MTSS1: variants seen among roughly 807,000 people sequenced by gnomAD.
The protein encoded by MTSS1 is MTSS I-BAR domain containing 1, also known as protein MTSS 1.
In MTSS1, 18 loss-of-function variants were observed where a neutral mutation model predicts 79.0. That is an observed-to-expected ratio of 0.23 (90% CI 0.16 to 0.34). The LOEUF is 0.34. Among genes scored for constraint, MTSS1 ranks in the 10% least tolerant of loss-of-function variants. MTSS1 has a pLI of 1.00. For missense variants in MTSS1, 815 were observed against 986.2 expected (o/e 0.83, Z 2.33); for synonymous variants, 341 against 368.6 (o/e 0.93, Z 0.86).
intron 6 of MTSS1, 110 bp from the exon 7 acceptor site, chr8:124,568,646 G>T: frequency 6.6e-7 from 1 of 1,521,026 alleles, no homozygotes; most frequent in Non-Finnish European, 9.0e-7. Flanking sequence ...TTTCCAGGAT[G>T]TAAAAAAAGT....
At chr8:124,600,467 G>A (rs765632600) in intron 3 of MTSS1, among the ~76,000 whole-genome samples, 12 of 152,220 alleles carry the variant, frequency 7.9e-5, no homozygotes, top group East Asian at 7.7e-4. Context: ...GTGTGTGTGC[G>A]CATGCTAGAG....
At chr8:124,571,197 A>G (rs1563772894) in intron 6 of MTSS1, among the ~76,000 whole-genome samples, 1 of 152,248 alleles carries the variant, frequency 6.6e-6, no homozygotes, top group East Asian at 1.9e-4. Flanking sequence ...AATCTGCCTC[A>G]GGGCAGGTGC....
At chr8:124,721,410 A>ATTT (rs1832906923) in intron 1 of MTSS1, among the ~76,000 whole-genome samples, 2 of 41,974 alleles carry the variant, frequency 4.8e-5, no homozygotes, top group South Asian at 5.1e-4. Flanking sequence ...ATTTAACTCT[A>ATTT]ATTTTTTTTT....
At chr8:124,557,597 A>G in intron 11 of MTSS1, 84 bp downstream of exon 11, 1 of 1,286,878 alleles carries the variant, frequency 7.8e-7, no homozygotes, top group Non-Finnish European at 1.1e-6. Context: ...GGATGAGGGG[A>G]TAGTCGGGGT....
chr8:124,576,853 G>T (rs541606346), intron 6 of MTSS1, among the ~76,000 whole-genome samples: 1 of 152,218 alleles, frequency 6.6e-6, no homozygotes, highest in South Asian at 2.1e-4. Context: ...CAAGCAAGTT[G>T]TCTGTTTCCT....
intron 6 of MTSS1, among the ~76,000 whole-genome samples, chr8:124,571,740 C>T (rs1174693321): frequency 6.6e-6 from 1 of 152,100 alleles, no homozygotes; most frequent in Non-Finnish European, 1.5e-5. Context: ...CCGCGGCGGG[C>T]GGATCATGAG....
Position 124,553,100 on chromosome 8 carries a change from C to T in MTSS1, c.2160G>A (p.Leu720=). Reference sequence around the variant, plus strand: ...CTCCTTGTGGAGTATCCCTTGGGCTCAGGTCTGCAGGGTCACTCTCTGGAA... The same window carrying T: ...CTCCTTGTGGAGTATCCCTTGGGCTTAGGTCTGCAGGGTCACTCTCTGGAA... ...GQIPESDPAD[L]SPRDTPQGED... The change falls in exon 14 of 14, where the codon CTG becomes CTA. Residue 720 remains leucine (L), a synonymous_variant. Transcript: ENST00000518547. This position sits in a 1 kb window ranked among gnomAD's most constrained non-coding sequence, Gnocchi z 6.0. 1 of 1,614,108 alleles carries T rather than the reference C, an allele frequency of 6.2e-7. No homozygotes were observed. Among genetic ancestry groups the T allele is most frequent in the Non-Finnish European group, 8.5e-7 (1 of 1,180,022 alleles).
At position 124,645,413 on chromosome 8, in the gene MTSS1, A is replaced by C. The variant is rs1054528058; in HGVS notation, c.208+54113T>G. Among the ~76,000 whole-genome samples the C allele has an allele frequency of 2.0e-5, 3 of 152,176 alleles. 1 individual carries two copies. The highest frequency in any genetic ancestry group is 1.3e-4 in the Admixed American group (2 of 15,276). ...ATTTTTAAAAGAAAATACAATTTTC[A>C]ATGTGTAGAAGAAAATATAAGGCTC... is the stretch of plus-strand genomic sequence containing the variant. On this transcript the variant is annotated intron_variant, in intron 3 of 13. Coordinates refer to ENST00000518547, the MANE Select transcript of MTSS1 (RefSeq NM_014751.6).
chr8:124,661,267 C>T (rs1821973569), intron 3 of MTSS1, among the ~76,000 whole-genome samples: 1 of 151,482 alleles, frequency 6.6e-6, no homozygotes. Flanking sequence ...GGTCCCCATA[C>T]ACGCACTACC....
chr8:124,567,982 CA>C, intron 7 of MTSS1: 2 of 1,333,620 alleles, frequency 1.5e-6, no homozygotes, highest in Non-Finnish European at 9.6e-7. Context: ...CAGTGAGTCT[CA>C]AAACCACCTG....
At chr8:124,625,513 C>T (rs1043943427) in intron 3 of MTSS1, among the ~76,000 whole-genome samples, 6 of 152,180 alleles carry the variant, frequency 3.9e-5, no homozygotes, top group African/African-American at 1.4e-4. Flanking sequence ...CCAGCATTTT[C>T]GGACACAGAC....
intron 1 of MTSS1, among the ~76,000 whole-genome samples, chr8:124,717,592 G>A (rs996700392): frequency 6.6e-6 from 1 of 151,976 alleles, no homozygotes; most frequent in Non-Finnish European, 1.5e-5. Flanking sequence ...TACTCGGGAG[G>A]CTGAGGCAGG....
In MTSS1 at chr8:124,717,170, C is replaced by T. The variant is rs577151357; in HGVS notation, c.72+10714G>A. ...TGTTGCTCTAACGCCACCTCCTCTG[C>T]GAGGCCCGCCCCTAACCACTCTACT... On this transcript the variant is annotated intron_variant, in intron 1 of 13. Transcript: ENST00000518547. Among the ~76,000 whole-genome samples, 19 of 152,190 alleles carry T rather than the reference C, an allele frequency of 1.2e-4. No homozygotes were observed. In the South Asian group the frequency reaches 1.2e-3, roughly 10 times the overall value.
intron 6 of MTSS1, among the ~76,000 whole-genome samples, chr8:124,575,060 A>C (rs1435830930): frequency 6.6e-6 from 1 of 152,184 alleles, no homozygotes; most frequent in African/African-American, 2.4e-5. Context: ...CATGGGATAT[A>C]AATACTAAAA....
At chr8:124,602,207 A>ACACACACATATATATATATATAT in intron 3 of MTSS1, among the ~76,000 whole-genome samples, 1 of 142,218 alleles carries the variant, frequency 7.0e-6, no homozygotes, top group Non-Finnish European at 1.5e-5. Flanking sequence ...ATATATATAT[A>ACACACACATATATATATATATAT]ATTTTTTTTT....
At chr8:124,583,180 G>C (rs976417945) in intron 6 of MTSS1, among the ~76,000 whole-genome samples, 24 of 152,298 alleles carry the variant, frequency 1.6e-4, no homozygotes, top group Admixed American at 9.8e-4. Flanking sequence ...CTGTGGCTGA[G>C]AAGACAGATG....
At chr8:124,648,709 G>GCTCC (rs1554694497) in intron 3 of MTSS1, among the ~76,000 whole-genome samples, 15 of 147,776 alleles carry the variant, frequency 1.0e-4, no homozygotes, top group Non-Finnish European at 1.6e-4. Context: ...CCAAATAGCA[G>GCTCC]CCCCCCCCCA....
intron 13 of MTSS1, among the ~76,000 whole-genome samples, chr8:124,555,213 C>T (rs1011061829): frequency 4.6e-5 from 7 of 152,056 alleles, no homozygotes; most frequent in African/African-American, 7.2e-5. Flanking sequence ...TGCTGCAAAA[C>T]GCAAAAAGCT....
chr8:124,691,089 A>T (rs760791158), intron 3 of MTSS1, among the ~76,000 whole-genome samples: 5 of 152,240 alleles, frequency 3.3e-5, no homozygotes, highest in Non-Finnish European at 5.9e-5. Context: ...TTTTAAAAAG[A>T]TGTTTTATTC....
Sources: gnomAD v4.1 joint callset for allele counts (sites outside exome capture counted in the v4.1 genomes callset) on GRCh38, gnomAD v4.1.1 for gene constraint, Gnocchi (gnomAD v3.1) non-coding constraint, MANE v1.5 for transcripts, NCBI Gene and HGNC (gene_info 2026-07-23, HGNC 2026-07-21) for gene names.